The following ZNF827 variants were observed in gnomAD, a reference collection of about 807,000 sequenced individuals.
The protein encoded by ZNF827 is zinc finger protein 827.
Under a neutral mutation model 102.4 loss-of-function variants are expected in ZNF827, and 13 were observed. The observed-to-expected ratio is 0.13, with a 90% CI of 0.08 to 0.20. The LOEUF is 0.20. ZNF827 is among the 10% of genes least tolerant of loss of function. ZNF827 has a pLI of 1.00. For missense variants in ZNF827, 1,103 were observed against 1,344.4 expected (o/e 0.82, Z 2.81); for synonymous variants, 523 against 536.2 (o/e 0.98, Z 0.34).
chr4:145,913,702 G>C (rs1237395245), intron 1 of ZNF827, among the ~76,000 whole-genome samples: 1 of 152,068 alleles, frequency 6.6e-6, no homozygotes, highest in Non-Finnish European at 1.5e-5. Context: ...CATAGAATCT[G>C]TCCCCTCAAG....
chr4:145,847,856 C>G (rs1746138184), intron 6 of ZNF827, among the ~76,000 whole-genome samples: 1 of 152,208 alleles, frequency 6.6e-6, no homozygotes. Flanking sequence ...TACTGCTAGT[C>G]TGAAGCCACT....
At chr4:145,907,435 G>C (rs962322700) in intron 1 of ZNF827, among the ~76,000 whole-genome samples, 6 of 152,148 alleles carry the variant, frequency 3.9e-5, no homozygotes, top group African/African-American at 1.2e-4. Context: ...AGATGAATTT[G>C]CTGGACACAA....
intron 2 of ZNF827, among the ~76,000 whole-genome samples, chr4:145,899,493 C>G (rs558563847): frequency 6.6e-6 from 1 of 152,322 alleles, no homozygotes; most frequent in South Asian, 2.1e-4. Flanking sequence ...AACCCATAAT[C>G]TAGCTAGGCT....
At chr4:145,856,986 C>CAG (rs1491588878) in intron 5 of ZNF827, among the ~76,000 whole-genome samples, 1 of 31,256 alleles carries the variant, frequency 3.2e-5, no homozygotes, top group Non-Finnish European at 6.8e-5. Context: ...CACGCGCACG[C>CAG]ACACACACAC....
At chr4:145,883,236 T>C (rs1749823414) in intron 4 of ZNF827, among the ~76,000 whole-genome samples, 1 of 152,178 alleles carries the variant, frequency 6.6e-6, no homozygotes, top group Non-Finnish European at 1.5e-5. Flanking sequence ...GGTTGCTAGG[T>C]AACAGTGCAT....
intron 7 of ZNF827, chr4:145,831,728 A>C (rs1471433903): frequency 1.3e-5 from 2 of 152,252 alleles, no homozygotes. Flanking sequence ...TATATACCAA[A>C]GAATCTGGGA....
intron 6 of ZNF827, among the ~76,000 whole-genome samples, chr4:145,847,194 G>C (rs1579360120): frequency 6.6e-6 from 1 of 151,886 alleles, no homozygotes; most frequent in East Asian, 1.9e-4. Flanking sequence ...ACCAATCAAA[G>C]GGAAACAGTA....
At chr4:145,901,061 GCTCA>G (rs1449266549) in intron 2 of ZNF827, among the ~76,000 whole-genome samples, 1 of 152,166 alleles carries the variant, frequency 6.6e-6, no homozygotes, top group Non-Finnish European at 1.5e-5. Context: ...AGTGAATATA[GCTCA>G]CTCAGCCATT....
In ZNF827 at chr4:145,903,165, A is replaced by G. The variant is rs776495097; in HGVS notation, c.94T>C (p.Trp32Arg). The G allele has an allele frequency of 5.0e-6, 8 of 1,613,944 alleles. No homozygotes were observed. In the Admixed American group the frequency reaches 1.2e-4, roughly 24 times the overall value. ...AEGELSEGEH[W>R]YGNSSETPSE... Reference sequence around the variant, plus strand: ...GGAGTCTCTGAAGAGTTTCCATACCAGTGTTCTCCTTCACTGAGCTCTCCC... The same window carrying G: ...GGAGTCTCTGAAGAGTTTCCATACCGGTGTTCTCCTTCACTGAGCTCTCCC... Residue 32 changes from tryptophan to arginine, a missense_variant, in exon 2 of 15, where the codon TGG becomes CGG. Trp to Arg is a moderately radical substitution (Grantham distance 101). Coordinates refer to ENST00000508784, the MANE Select transcript of ZNF827 (RefSeq NM_001306215.2).
chr4:145,835,900 C>T (rs1744789629), intron 7 of ZNF827, among the ~76,000 whole-genome samples: 1 of 151,714 alleles, frequency 6.6e-6, no homozygotes, highest in South Asian at 2.1e-4. Flanking sequence ...GCCTTATCAA[C>T]CAAATTGTTT....
At chr4:145,914,930 C>T (rs1752564156) in intron 1 of ZNF827, among the ~76,000 whole-genome samples, 1 of 152,210 alleles carries the variant, frequency 6.6e-6, no homozygotes, top group Admixed American at 6.5e-5. Context: ...TTCATTCCAT[C>T]CCCAATAAAA....
At chr4:145,915,242 G>A (rs1007402752) in intron 1 of ZNF827, among the ~76,000 whole-genome samples, 81 of 152,292 alleles carry the variant, frequency 5.3e-4, no homozygotes, top group African/African-American at 1.9e-3. Flanking sequence ...GAGGTTGGGC[G>A]TTCAAGACCA....
intron 1 of ZNF827, among the ~76,000 whole-genome samples, chr4:145,937,787 C>T (rs1754325612): frequency 6.7e-6 from 1 of 150,074 alleles, no homozygotes; most frequent in Non-Finnish European, 1.5e-5. Context: ...CCGACCAACC[C>T]CGGCGCAACC....
chr4:145,783,640 CA>C (rs1738429032), intron 8 of ZNF827, among the ~76,000 whole-genome samples: 1 of 152,204 alleles, frequency 6.6e-6, no homozygotes. Flanking sequence ...AGCCATGTGC[CA>C]AAGTTCTGAG....
intron 1 of ZNF827, among the ~76,000 whole-genome samples, chr4:145,925,205 C>A (rs1362909875): frequency 3.3e-5 from 5 of 152,146 alleles, no homozygotes; most frequent in Non-Finnish European, 5.9e-5. Context: ...TAGATCCCTG[C>A]CATGACATGT....
At chr4:145,920,706 CTTT>C (rs1452051516) in intron 1 of ZNF827, among the ~76,000 whole-genome samples, 2 of 152,244 alleles carry the variant, frequency 1.3e-5, no homozygotes, top group Non-Finnish European at 2.9e-5. Context: ...GTCTTAACTT[CTTT>C]GTTTATTCAT....
intron 1 of ZNF827, among the ~76,000 whole-genome samples, chr4:145,937,922 C>T (rs1478810446): frequency 1.3e-5 from 2 of 151,030 alleles, no homozygotes; most frequent in Non-Finnish European, 3.0e-5. Flanking sequence ...CCCGCACCCT[C>T]AGGCGCCGGA....
intron 5 of ZNF827, among the ~76,000 whole-genome samples, chr4:145,859,255 T>C (rs1460495563): frequency 6.6e-6 from 1 of 152,190 alleles, no homozygotes; most frequent in Non-Finnish European, 1.5e-5. Context: ...GTATCCTTAG[T>C]GCCCAAACAG....
At chr4:145,879,690 T>C (rs895328464) in intron 4 of ZNF827, among the ~76,000 whole-genome samples, 11 of 152,218 alleles carry the variant, frequency 7.2e-5, no homozygotes, top group African/African-American at 2.7e-4. Flanking sequence ...TACAGAAATA[T>C]CAGTTGGCCC....
Sources: allele counts gnomAD v4.1 joint callset (sites outside exome capture counted in the v4.1 genomes callset), GRCh38; gene constraint gnomAD v4.1.1; transcripts MANE v1.5; gene names NCBI Gene and HGNC (gene_info 2026-07-23, HGNC 2026-07-21).